Variants in CPA6 observed in about 807,000 individuals in gnomAD.
The protein encoded by CPA6 is carboxypeptidase B.
A neutral mutation model predicts 63.3 loss-of-function variants in CPA6; 58 were observed. The ratio of observed to expected loss-of-function variants is 0.92; its 90% CI spans 0.74 to 1.14. The LOEUF is 1.14. CPA6 is among the 50% of genes most tolerant of loss of function. CPA6 has a pLI of 0.00. For missense variants in CPA6, 565 were observed against 526.6 expected (o/e 1.07, Z -0.71); for synonymous variants, 185 against 179.0 (o/e 1.03, Z -0.27).
intron 7 of CPA6, among the ~76,000 whole-genome samples, chr8:67,484,236 A>T (rs189164165): frequency 0.03 from 4,509 of 149,406 alleles, 222 homozygotes; most frequent in African/African-American, 0.1. Context: ...CGCCCGGCTA[A>T]TTTTTTTTTG....
chr8:67,509,733 G>A, intron 4 of CPA6, 115 bp from the exon 5 acceptor site: 1 of 520,036 alleles, frequency 1.9e-6, no homozygotes, highest in Non-Finnish European at 3.5e-6. Context: ...AGTGCACATG[G>A]AATATAAAAT....
At chr8:67,493,572 A>G (rs73262696) in intron 6 of CPA6, among the ~76,000 whole-genome samples, 21,144 of 152,090 alleles carry the variant, frequency 0.14, 4,027 homozygotes, top group African/African-American at 0.43. Flanking sequence ...TGAATCATCT[A>G]CATAGTACAT....
At chr8:67,597,187 C>T (rs193026530) in intron 2 of CPA6, among the ~76,000 whole-genome samples, 36 of 150,770 alleles carry the variant, frequency 2.4e-4, no homozygotes, top group African/African-American at 8.3e-4. Context: ...TCCATTGTAT[C>T]CTCTGTGTCT....
At chr8:67,487,016 C>A (rs937037365) in intron 6 of CPA6, among the ~76,000 whole-genome samples, 6 of 151,974 alleles carry the variant, frequency 3.9e-5, no homozygotes, top group African/African-American at 1.4e-4. Context: ...CAGGCAGGAG[C>A]CACTTGGCTA....
At chr8:67,663,936 T>A (rs1316121070) in intron 1 of CPA6, among the ~76,000 whole-genome samples, 1 of 152,206 alleles carries the variant, frequency 6.6e-6, no homozygotes, top group Non-Finnish European at 1.5e-5. Context: ...ATGATGTAAG[T>A]AATGGAAACC....
At chr8:67,551,276 T>C (rs1254056401) in intron 2 of CPA6, among the ~76,000 whole-genome samples, 2 of 152,170 alleles carry the variant, frequency 1.3e-5, no homozygotes, top group Non-Finnish European at 1.5e-5. Flanking sequence ...GCACCATTTA[T>C]TGAATAGGGA....
intron 8 of CPA6, among the ~76,000 whole-genome samples, chr8:67,450,360 A>G (rs1810528314): frequency 1.3e-5 from 2 of 152,184 alleles, no homozygotes; most frequent in African/African-American, 2.4e-5. Context: ...TAAACATTCT[A>G]AGTTACTAAA....
intron 10 of CPA6, among the ~76,000 whole-genome samples, chr8:67,422,944 C>G (rs912888699): frequency 3.3e-5 from 5 of 152,220 alleles, no homozygotes; most frequent in African/African-American, 1.2e-4. Context: ...TAAAATTTCT[C>G]AACCTCAATT....
chr8:67,452,199 GT>G (rs1408864786), intron 8 of CPA6: 2 of 152,278 alleles, frequency 1.3e-5, no homozygotes, highest in Non-Finnish European at 2.9e-5. Flanking sequence ...GTAGAAGTGT[GT>G]GAAAGATGGG....
chr8:67,647,929 A>T (rs2128990870), intron 1 of CPA6, among the ~76,000 whole-genome samples: 1 of 152,252 alleles, frequency 6.6e-6, no homozygotes, highest in East Asian at 1.9e-4. Context: ...TTTCCCTAAG[A>T]AGTAGGGTAT....
At chr8:67,424,571 C>T (rs993155580) in intron 10 of CPA6, among the ~76,000 whole-genome samples, 2 of 152,192 alleles carry the variant, frequency 1.3e-5, no homozygotes, top group Non-Finnish European at 2.9e-5. Flanking sequence ...TCTGCATTGG[C>T]CAAAGTACTC....
intron 1 of CPA6, among the ~76,000 whole-genome samples, chr8:67,665,073 GA>G (rs907677957): frequency 2.1e-4 from 32 of 150,776 alleles, no homozygotes; most frequent in African/African-American, 6.6e-4. Context: ...TACGCTTCTG[GA>G]AAAAAAAATC....
At chr8:67,571,873 G>A (rs1813494222) in intron 2 of CPA6, among the ~76,000 whole-genome samples, 1 of 151,884 alleles carries the variant, frequency 6.6e-6, no homozygotes, top group African/African-American at 2.4e-5. Context: ...AAAACAATAT[G>A]GAAGATTGAT....
At chr8:67,661,312 A>G (rs548861872) in intron 1 of CPA6, among the ~76,000 whole-genome samples, 5 of 152,154 alleles carry the variant, frequency 3.3e-5, no homozygotes, top group African/African-American at 1.2e-4. Flanking sequence ...GGAAGTGGCC[A>G]TTGTGGCTGG....
intron 1 of CPA6, among the ~76,000 whole-genome samples, chr8:67,734,146 G>A (rs1817769783): frequency 1.3e-5 from 2 of 151,696 alleles, no homozygotes; most frequent in Non-Finnish European, 2.9e-5. Flanking sequence ...TCAAAGTACT[G>A]GGATTACAAG....
chr8:67,464,518 AT>A (rs1160088493), intron 8 of CPA6, among the ~76,000 whole-genome samples: 1 of 152,112 alleles, frequency 6.6e-6, no homozygotes, highest in African/African-American at 2.4e-5. Context: ...AAGCTCTTTA[AT>A]CAGGTCCCAA....
intron 2 of CPA6, among the ~76,000 whole-genome samples, chr8:67,550,841 T>G (rs1330721157): frequency 2.0e-5 from 3 of 152,208 alleles, no homozygotes; most frequent in Admixed American, 2.0e-4. Flanking sequence ...TATCTTCTTT[T>G]GAGAAATGTC....
intron 2 of CPA6, among the ~76,000 whole-genome samples, chr8:67,548,813 G>C (rs1812879284): frequency 6.6e-6 from 1 of 152,172 alleles, no homozygotes; most frequent in Admixed American, 6.5e-5. Context: ...TCTGTAGTTA[G>C]CATCTCTGTG....
chr8:67,690,917 C>T (rs1816801837), intron 1 of CPA6, among the ~76,000 whole-genome samples: 1 of 152,138 alleles, frequency 6.6e-6, no homozygotes, highest in African/African-American at 2.4e-5. Context: ...TAGCATGGTA[C>T]AAATTCATCT....
Sources: gnomAD v4.1 joint callset for allele counts (sites outside exome capture counted in the v4.1 genomes callset) on GRCh38, gnomAD v4.1.1 for gene constraint, MANE v1.5 for transcripts, NCBI Gene and HGNC (gene_info 2026-07-23, HGNC 2026-07-21) for gene names.